Variants in WASHC5 observed in about 807,000 individuals in gnomAD.
WASHC5 encodes WASH complex subunit 5, also known as WASH complex subunit strumpellin.
A neutral mutation model predicts 150.4 loss-of-function variants in WASHC5; 101 were observed. That is an observed-to-expected ratio of 0.67 (90% confidence interval 0.57 to 0.79). The LOEUF (loss-of-function observed/expected upper bound fraction) is 0.79, where lower values mean the gene tolerates loss of function less well. WASHC5 is among the 30% of genes least tolerant of loss of function. WASHC5 has a pLI of 0.00. For missense variants in WASHC5, 1,195 were observed against 1,396.3 expected (o/e 0.86, Z 2.30); for synonymous variants, 467 against 491.2 (o/e 0.95, Z 0.65).
chr8:125,040,181 T>G (rs991251777), intron 23 of WASHC5, among the ~76,000 whole-genome samples: 3 of 152,190 alleles, frequency 2.0e-5, no homozygotes, highest in Admixed American at 6.5e-5. Context: ...CAGTTGTTCA[T>G]GTATCAAAGA....
chr8:125,030,557 G>A (rs1463535123), intron 27 of WASHC5, among the ~76,000 whole-genome samples: 1 of 148,730 alleles, frequency 6.7e-6, no homozygotes, highest in Non-Finnish European at 1.5e-5. Context: ...GGTATGCACT[G>A]GATGTCAAGA....
intron 17 of WASHC5, among the ~76,000 whole-genome samples, chr8:125,052,283 A>T (rs1366379377): frequency 6.6e-6 from 1 of 152,220 alleles, no homozygotes. Flanking sequence ...GTGAATCTAA[A>T]GATCGCATGC....
chr8:125,055,721 A>T, intron 16 of WASHC5, 50 bp from the exon 17 acceptor site: 2 of 1,096,038 alleles, frequency 1.8e-6, no homozygotes, highest in Non-Finnish European at 2.8e-6. Flanking sequence ...ATAGTCCTGG[A>T]ATGAACAAAG....
chr8:125,057,085 A>T (rs928898672), intron 15 of WASHC5, among the ~76,000 whole-genome samples: 5 of 152,232 alleles, frequency 3.3e-5, no homozygotes, highest in African/African-American at 1.2e-4. Context: ...AAAAATGTTA[A>T]GTAACATCAC....
chr8:125,073,799 A>G (rs984276967), intron 8 of WASHC5, among the ~76,000 whole-genome samples: 3 of 152,250 alleles, frequency 2.0e-5, no homozygotes, highest in African/African-American at 7.2e-5. Context: ...CTTTGGTGTG[A>G]CTTGGGGCTT....
intron 12 of WASHC5, among the ~76,000 whole-genome samples, chr8:125,060,144 T>A (rs1267114979): frequency 1.3e-5 from 2 of 152,158 alleles, no homozygotes; most frequent in African/African-American, 4.8e-5. Context: ...AAATATATAA[T>A]CATACCAATT....
chr8:125,034,832 A>G (rs1256215929), intron 26 of WASHC5, among the ~76,000 whole-genome samples: 2 of 152,214 alleles, frequency 1.3e-5, no homozygotes, highest in African/African-American at 4.8e-5. Context: ...TCCAGGTGGA[A>G]AGCAAGAGTG....
intron 25 of WASHC5, 24 bp from the exon 26 acceptor site, chr8:125,037,357 A>C (rs758291873): frequency 7.4e-7 from 1 of 1,342,292 alleles, no homozygotes; most frequent in Non-Finnish European, 1.1e-6. Context: ...GGTAAGAAAA[A>C]TAGATGGTTA....
intron 10 of WASHC5, among the ~76,000 whole-genome samples, chr8:125,064,348 A>G (rs1816687758): frequency 6.6e-6 from 1 of 151,422 alleles, no homozygotes; most frequent in African/African-American, 2.4e-5. Context: ...GGCTATGGGC[A>G]TGCGCCACTA....
chr8:125,063,764 T>C (rs1301468440), intron 10 of WASHC5, 113 bp from the exon 11 acceptor site: 3 of 931,858 alleles, frequency 3.2e-6, no homozygotes, highest in Non-Finnish European at 5.0e-6. Context: ...AGCTACACTA[T>C]AAATTAACAT....
intron 10 of WASHC5, among the ~76,000 whole-genome samples, chr8:125,065,048 G>C (rs1330581453): frequency 1.3e-5 from 2 of 152,152 alleles, no homozygotes; most frequent in Admixed American, 1.3e-4. Flanking sequence ...AGACTACATG[G>C]CGTCAAGCCC....
At chr8:125,049,457 C>A (rs1210548956) in intron 18 of WASHC5, among the ~76,000 whole-genome samples, 2 of 151,942 alleles carry the variant, frequency 1.3e-5, no homozygotes, top group Non-Finnish European at 2.9e-5. Flanking sequence ...ACTTGGGAGG[C>A]TGAGGCAGGG....
chr8:125,075,325 C>CA (rs567199067), intron 7 of WASHC5, among the ~76,000 whole-genome samples: 1 of 152,126 alleles, frequency 6.6e-6, no homozygotes, highest in Admixed American at 6.5e-5. Flanking sequence ...GATCTCTTTA[C>CA]ACCTATTAAC....
intron 27 of WASHC5, 35 bp downstream of exon 27, chr8:125,032,206 A>G (rs1175275761): frequency 6.2e-7 from 1 of 1,612,826 alleles, no homozygotes; most frequent in East Asian, 2.2e-5. Flanking sequence ...TTTTGTGACA[A>G]GAAGTCCCAC....
chr8:125,050,518 C>T (rs750119230), intron 18 of WASHC5, 46 bp downstream of exon 18: 1 of 1,373,654 alleles, frequency 7.3e-7, no homozygotes, highest in Non-Finnish European at 1.0e-6. Flanking sequence ...GTCCATGCTG[C>T]AAGCTGGGCG....
intron 1 of WASHC5, among the ~76,000 whole-genome samples, chr8:125,088,780 T>C (rs1432520026): frequency 6.6e-6 from 1 of 152,122 alleles, no homozygotes; most frequent in African/African-American, 2.4e-5. Flanking sequence ...ATAGATGCTA[T>C]AAAGCTTATT....
chr8:125,059,856 A>T (rs948200838), intron 12 of WASHC5, among the ~76,000 whole-genome samples: 1 of 152,216 alleles, frequency 6.6e-6, no homozygotes, highest in African/African-American at 2.4e-5. Flanking sequence ...TAATGTATAT[A>T]ACTGAAGATG....
intron 27 of WASHC5, among the ~76,000 whole-genome samples, chr8:125,029,790 G>A (rs10104415): frequency 0.07 from 10,647 of 152,214 alleles, 477 homozygotes; most frequent in Middle Eastern, 0.27. Flanking sequence ...GTACCAATTG[G>A]CATTTTCTGA....
chr8:125,026,587 A>G (rs1325769970), intron 28 of WASHC5, among the ~76,000 whole-genome samples: 2 of 152,180 alleles, frequency 1.3e-5, no homozygotes, highest in East Asian at 3.8e-4. Flanking sequence ...TTTTGATAAC[A>G]TAGGAGATGT....
Sources: allele counts gnomAD v4.1 joint callset (sites outside exome capture counted in the v4.1 genomes callset), GRCh38; gene constraint gnomAD v4.1.1; transcripts MANE v1.5; gene names NCBI Gene and HGNC (gene_info 2026-07-23, HGNC 2026-07-21).